The following CAP1 variants were observed in gnomAD, a reference collection of about 807,000 sequenced individuals.
The protein encoded by CAP1 is adenylyl cyclase-associated protein 1.
In CAP1, 11 loss-of-function variants were observed where a neutral mutation model predicts 58.2. The ratio of observed to expected loss-of-function variants is 0.19; its 90% CI spans 0.12 to 0.31. The LOEUF (loss-of-function observed/expected upper bound fraction) is 0.31, where lower values mean the gene tolerates loss of function less well. CAP1 is among the 10% of genes least tolerant of loss of function. The pLI is 1.00. For missense variants in CAP1, 423 were observed against 587.5 expected, an observed-to-expected ratio of 0.72 and a Z score of 2.89; for synonymous variants, 183 against 213.8, an observed-to-expected ratio of 0.86 and a Z score of 1.26.
intron 4 of CAP1, among the ~76,000 whole-genome samples, chr1:40,062,249 C>T (rs190648339): frequency 6.6e-6 from 1 of 152,142 alleles, no homozygotes; most frequent in Admixed American, 6.5e-5. Context: ...ACTCCCACCT[C>T]AAAATTTTAT....
At position 40,071,074 on chromosome 1, in the gene CAP1, G is replaced by A. The variant is rs997803119; in HGVS notation, c.1344+95G>A. The A allele has an allele frequency of 4.7e-5, 58 of 1,228,674 alleles. No individual in the cohort carries two copies. The African/African-American group carries it at 7.4e-4, about 16-fold the overall frequency. The allele number at this position is 1,228,674 out of a possible 1,614,324, so 76.1% of individuals were successfully genotyped here. ...AGCTATTTTATGAACATTCTGCACT[G>A]AGCAGGTAAAAACCCAATAATGCAC... is the stretch of plus-strand genomic sequence containing the variant. On this transcript the variant is annotated intron_variant, in intron 12 of 12. Coordinates refer to ENST00000372805, the MANE Select transcript of CAP1 (RefSeq NM_006367.4).
chr1:40,066,960 A>G (rs1203062670), intron 7 of CAP1, among the ~76,000 whole-genome samples: 3 of 152,204 alleles, frequency 2.0e-5, no homozygotes, highest in Non-Finnish European at 4.4e-5. Flanking sequence ...TAATGATTCA[A>G]TTTGTCTTTA....
rs138734788 is a variant in CAP1, at chr1:40,045,894, C to T, written c.-11+5093C>T. ...TCAGAGACAGGGTCTTGCTATGTTG[C>T]CTGGGCTGGTCTTAAACCCCTGGCC... On this transcript the variant is annotated intron_variant, in intron 1 of 12. Transcript: ENST00000372805. Among the ~76,000 whole-genome samples, 132 of 152,212 alleles carry T rather than the reference C, an allele frequency of 8.7e-4. 1 individual carries two copies. In the East Asian group the frequency reaches 0.013, roughly 15 times the overall value.
At chr1:40,044,360 A>G (rs1645983530) in intron 1 of CAP1, among the ~76,000 whole-genome samples, 2 of 152,176 alleles carry the variant, frequency 1.3e-5, no homozygotes, top group South Asian at 4.1e-4. Context: ...TTTAATGCTG[A>G]GATTTGAAAT....
At chr1:40,068,680 G>A (rs528957039) in intron 8 of CAP1, among the ~76,000 whole-genome samples, 1 of 152,096 alleles carries the variant, frequency 6.6e-6, no homozygotes, top group African/African-American at 2.4e-5. Flanking sequence ...CACAAGGAAT[G>A]GTGGAGATAA....
intron 8 of CAP1, among the ~76,000 whole-genome samples, chr1:40,068,759 G>T (rs1216750431): frequency 6.6e-6 from 1 of 152,182 alleles, no homozygotes. Context: ...GCGTGTGTCA[G>T]CCTGCTGTGG....
chr1:40,069,159 A>G (rs1263827563), intron 8 of CAP1, among the ~76,000 whole-genome samples: 2 of 152,254 alleles, frequency 1.3e-5, no homozygotes, highest in East Asian at 3.8e-4. Flanking sequence ...CTACAGGTTA[A>G]CATGAGAAAG....
rs1373426142 is a variant in CAP1 at position 40,059,364 on chromosome 1, T to C, written c.18T>C (p.Asn6=). MADMQ[N]LVERLERAVG... ...GGTCCATTATGGCTGACATGCAAAA[T>C]CTGGTAGAAAGATTGGAGAGGGCAG... The change falls in exon 2 of 13, where the codon AAT becomes AAC. Residue 6 remains asparagine (N), a synonymous_variant. Transcript: ENST00000372805. 6.2e-7 allele frequency: 1 copy of C among 1,612,418 alleles called. No individual in the cohort carries two copies. Among genetic ancestry groups the C allele is most frequent in the Admixed American group, 1.7e-5 (1 of 59,992 alleles).
chr1:40,052,917 C>T (rs1646442280), intron 1 of CAP1, among the ~76,000 whole-genome samples: 1 of 149,742 alleles, frequency 6.7e-6, no homozygotes, highest in Admixed American at 6.8e-5. Context: ...GGTGAAACCC[C>T]GTCTCTAATA....
In CAP1 at chr1:40,049,339, T is replaced by C. The variant is rs138764849; in HGVS notation, c.-11+8538T>C. Among the ~76,000 whole-genome samples the C allele has an allele frequency of 7.2e-4, 110 of 151,788 alleles. 1 individual carries two copies. Among genetic ancestry groups the C allele is most frequent in the African/African-American group, 2.2e-3 (93 of 41,412 alleles). On this transcript the variant is annotated intron_variant, in intron 1 of 12. Transcript: ENST00000372805. ...AGAAGGTGGTGTTTTTACAAGATGATTTCTAGGATTACAGGCATGCACCAC... is the reference window on the plus strand; with the variant it reads ...AGAAGGTGGTGTTTTTACAAGATGACTTCTAGGATTACAGGCATGCACCAC...
chr1:40,060,220 T>C (rs762975178), intron 3 of CAP1, 50 bp downstream of exon 3: 10 of 1,413,190 alleles, frequency 7.1e-6, no homozygotes, highest in Non-Finnish European at 7.0e-6. Context: ...AACAGCTTTC[T>C]TCAGTCAGCC....
At chr1:40,062,691 A>C (rs1347759140) in intron 4 of CAP1, among the ~76,000 whole-genome samples, 1 of 152,012 alleles carries the variant, frequency 6.6e-6, no homozygotes, top group Non-Finnish European at 1.5e-5. Context: ...TTTGGGCCTG[A>C]AAGTTTGAGG....
intron 1 of CAP1, among the ~76,000 whole-genome samples, chr1:40,055,985 A>G (rs1433469406): frequency 2.0e-5 from 3 of 152,162 alleles, no homozygotes; most frequent in African/African-American, 7.2e-5. Flanking sequence ...ATTTATTCTC[A>G]CTGAAGCCCT....
chr1:40,042,578 G>A, intron 1 of CAP1, among the ~76,000 whole-genome samples: 1 of 152,324 alleles, frequency 6.6e-6, no homozygotes, highest in Non-Finnish European at 1.5e-5. Flanking sequence ...GGTCAGGTCA[G>A]TCATATGTGG....
intron 9 of CAP1, 51 bp from the exon 10 acceptor site, chr1:40,070,108 T>G (rs1422334884): frequency 6.2e-7 from 1 of 1,610,002 alleles, no homozygotes; most frequent in African/African-American, 1.3e-5. Context: ...CTGGTTATTT[T>G]TTGTTCGGTG....
chr1:40,066,184 C>T, intron 6 of CAP1, 31 bp from the exon 7 acceptor site: 2 of 1,206,980 alleles, frequency 1.7e-6, no homozygotes, highest in East Asian at 2.3e-5. Context: ...ACCCGGATCA[C>T]CTGTGACAAG....
chr1:40,070,255 A>G lies in CAP1; in HGVS notation c.1090A>G (p.Lys364Glu), dbSNP rs1459998042. ...YKCVNTTLQIKGKINSITVDN... is the reference protein window; with the variant it reads ...YKCVNTTLQIEGKINSITVDN... ...GTGTGTCAACACGACATTGCAAATCAAGGGCAAAATTAACTCCATTACAGT... is the reference window on the plus strand; with the variant it reads ...GTGTGTCAACACGACATTGCAAATCGAGGGCAAAATTAACTCCATTACAGT... The change falls in exon 10 of 13, where the codon AAG becomes GAG. Residue 364 changes from lysine to glutamate, a missense_variant. Coordinates refer to ENST00000372805, the MANE Select transcript of CAP1 (RefSeq NM_006367.4). 2 of 1,614,222 alleles carry G rather than the reference A, an allele frequency of 1.2e-6. No individual in the cohort carries two copies. Among genetic ancestry groups the G allele is most frequent in the Non-Finnish European group, 1.7e-6 (2 of 1,180,034 alleles).
intron 10 of CAP1, 42 bp from the exon 11 acceptor site, chr1:40,070,388 C>T: frequency 2.0e-6 from 3 of 1,467,044 alleles, no homozygotes; most frequent in South Asian, 2.3e-5. Context: ...ATATTACTTT[C>T]CTTTAAAGTT....
At chr1:40,061,902 G>A (rs919205006) in intron 4 of CAP1, 90 bp downstream of exon 4, 1 of 967,860 alleles carries the variant, frequency 1.0e-6, no homozygotes, top group Non-Finnish European at 1.7e-6. Context: ...TTTTAAAATA[G>A]ACCTACTAGG....
Sources: gnomAD v4.1 joint callset for allele counts (sites outside exome capture counted in the v4.1 genomes callset) on GRCh38, gnomAD v4.1.1 for gene constraint, MANE v1.5 for transcripts, NCBI Gene and HGNC (gene_info 2026-07-23, HGNC 2026-07-21) for gene names.